The following GPC5 variants were observed in gnomAD, a reference collection of about 807,000 sequenced individuals.
GPC5 encodes glypican 5, also known as glypican-5.
GPC5 carries 47 observed loss-of-function variants against 53.9 expected under a neutral mutation model. The ratio of observed to expected loss-of-function variants is 0.87; its 90% confidence interval spans 0.69 to 1.11. The LOEUF (loss-of-function observed/expected upper bound fraction) is 1.11, where lower values mean the gene tolerates loss of function less well. Among genes scored for constraint, GPC5 ranks in the 50% most tolerant of loss-of-function variants. GPC5 has a pLI of 0.00. For missense variants in GPC5, 748 were observed against 713.1 expected, an observed-to-expected ratio of 1.05 and a Z score of -0.56; for synonymous variants, 286 against 263.3, an observed-to-expected ratio of 1.09 and a Z score of -0.84.
At chr13:91,573,832 C>T (rs2032034636) in intron 2 of GPC5, among the ~76,000 whole-genome samples, 1 of 152,058 alleles carries the variant, frequency 6.6e-6, no homozygotes, top group Non-Finnish European at 1.5e-5. Flanking sequence ...AGAGTAAGTG[C>T]TTCAACAAAA....
At chr13:91,459,156 A>C (rs1402997120) in intron 2 of GPC5, among the ~76,000 whole-genome samples, 1 of 151,908 alleles carries the variant, frequency 6.6e-6, no homozygotes, top group Non-Finnish European at 1.5e-5. Context: ...GTCACCGCTA[A>C]AGAACTTATC....
intron 5 of GPC5, among the ~76,000 whole-genome samples, chr13:91,787,331 G>T (rs2037895833): frequency 6.6e-6 from 1 of 152,038 alleles, no homozygotes; most frequent in Non-Finnish European, 1.5e-5. Context: ...CATATATATG[G>T]TCTCATATGA....
At chr13:92,169,915 C>T (rs7329409) in intron 7 of GPC5, among the ~76,000 whole-genome samples, 3,833 of 151,980 alleles carry the variant, frequency 0.025, 151 homozygotes, top group African/African-American at 0.087. Context: ...TAGAAAGTTT[C>T]CTTACAAACT....
At chr13:91,663,181 AT>A (rs1469254025) in intron 2 of GPC5, among the ~76,000 whole-genome samples, 1 of 152,134 alleles carries the variant, frequency 6.6e-6, no homozygotes, top group Non-Finnish European at 1.5e-5. Context: ...TCAATATTGG[AT>A]TTGCGGCCAC....
rs1021170668 is a variant in GPC5 at position 91,398,819 on chromosome 13, C to G, written c.-228C>G. On this transcript the variant is annotated 5_prime_UTR_variant, in exon 1 of 8. Transcript: ENST00000377067. Reference sequence around the variant, plus strand: ...CACTCTTCTCGGCTAGGGAAGAAGACCAGAGGGTGCTCAGCTGGAAAACTC... The same window carrying G: ...CACTCTTCTCGGCTAGGGAAGAAGAGCAGAGGGTGCTCAGCTGGAAAACTC... The G allele has an allele frequency of 1.2e-5, 6 of 490,786 alleles. No individual in the cohort carries two copies. The highest frequency in any genetic ancestry group is 2.1e-5 in the Non-Finnish European group (6 of 280,686). 30.4% of individuals were successfully genotyped at this position (490,786 alleles called of 1,614,324 possible).
chr13:92,812,912 A>T (rs892562021), intron 7 of GPC5, among the ~76,000 whole-genome samples: 4 of 151,902 alleles, frequency 2.6e-5, no homozygotes, highest in African/African-American at 9.7e-5. Context: ...AAGATTCATA[A>T]TCTCAGAACT....
At chr13:91,761,433 T>C (rs1445981633) in intron 5 of GPC5, among the ~76,000 whole-genome samples, 2 of 152,038 alleles carry the variant, frequency 1.3e-5, no homozygotes, top group Non-Finnish European at 2.9e-5. Flanking sequence ...TCCAACACTA[T>C]CTACCTGGAG....
chr13:92,830,176 A>G (rs1375851226), intron 7 of GPC5, among the ~76,000 whole-genome samples: 1 of 152,100 alleles, frequency 6.6e-6, no homozygotes, highest in South Asian at 2.1e-4. Flanking sequence ...CTATGTCATA[A>G]TTCCTATTTT....
chr13:92,595,328 C>T (rs1025521524), intron 7 of GPC5, among the ~76,000 whole-genome samples: 7 of 152,198 alleles, frequency 4.6e-5, no homozygotes, highest in Non-Finnish European at 1.0e-4. Context: ...TGATCATCTA[C>T]ATCATTCTCT....
At chr13:91,941,031 T>C (rs1362604156) in intron 6 of GPC5, among the ~76,000 whole-genome samples, 1 of 152,174 alleles carries the variant, frequency 6.6e-6, no homozygotes, top group Non-Finnish European at 1.5e-5. Context: ...TTTGTTGCAA[T>C]TGCTTTTGGC....
At chr13:92,744,150 A>AAAGT (rs1889181689) in intron 7 of GPC5, among the ~76,000 whole-genome samples, 1 of 152,124 alleles carries the variant, frequency 6.6e-6, no homozygotes, top group Admixed American at 6.6e-5. Context: ...AGAGGTTTCA[A>AAAGT]AAGTAAGTTC....
intron 7 of GPC5, among the ~76,000 whole-genome samples, chr13:92,428,799 C>A (rs555751770): frequency 6.6e-6 from 1 of 152,132 alleles, no homozygotes; most frequent in South Asian, 2.1e-4. Flanking sequence ...ACTAATCAAT[C>A]GTACTGATTC....
Position 92,591,428 on chromosome 13 carries a change from C to T in GPC5, c.1562-274854C>T, listed in dbSNP as rs192531534. Among the ~76,000 whole-genome samples, 148 of 152,302 alleles carry T rather than the reference C, an allele frequency of 9.7e-4. 2 individuals carry two copies. The highest frequency in any genetic ancestry group is 3.4e-3 in the African/African-American group (140 of 41,568). ...CTTTGTCACTTCTGGTTTGTGTTTA[C>T]AGTCTCTGCCTGGTGAAGTTTTACT... On this transcript the variant is annotated intron_variant, in intron 7 of 7. Transcript: ENST00000377067.
intron 2 of GPC5, among the ~76,000 whole-genome samples, chr13:91,592,999 G>A (rs1021775812): frequency 6.6e-6 from 1 of 152,188 alleles, no homozygotes; most frequent in Non-Finnish European, 1.5e-5. Flanking sequence ...GAGCTGTGCT[G>A]TTCACAAAGG....
chr13:91,761,344 C>T (rs979231388), intron 5 of GPC5, among the ~76,000 whole-genome samples: 4 of 152,130 alleles, frequency 2.6e-5, no homozygotes, highest in Admixed American at 6.5e-5. Context: ...CAACACGGAA[C>T]TTCTGTGACC....
intron 7 of GPC5, among the ~76,000 whole-genome samples, chr13:92,503,374 A>G (rs1880257899): frequency 6.6e-6 from 1 of 151,718 alleles, no homozygotes; most frequent in South Asian, 2.1e-4. Context: ...AGCAAATCAA[A>G]TTTGTGGGAT....
At chr13:91,781,639 C>T (rs1333130572) in intron 5 of GPC5, among the ~76,000 whole-genome samples, 1 of 152,166 alleles carries the variant, frequency 6.6e-6, no homozygotes, top group African/African-American at 2.4e-5. Context: ...TTCATTTTGT[C>T]CCTTTTACCA....
intron 7 of GPC5, among the ~76,000 whole-genome samples, chr13:92,539,729 T>G (rs369210242): frequency 1.1e-4 from 16 of 152,022 alleles, no homozygotes; most frequent in African/African-American, 3.4e-4. Flanking sequence ...TGCCCCAGTA[T>G]CTTGGTAATA....
chr13:91,643,735 A>G (rs1401590699), intron 2 of GPC5, among the ~76,000 whole-genome samples: 1 of 151,942 alleles, frequency 6.6e-6, no homozygotes, highest in Non-Finnish European at 1.5e-5. Flanking sequence ...CATCACCTCA[A>G]TTTCTGCCTT....
Sources: gnomAD v4.1 joint callset for allele counts (sites outside exome capture counted in the v4.1 genomes callset) on GRCh38, gnomAD v4.1.1 for gene constraint, MANE v1.5 for transcripts, NCBI Gene and HGNC (gene_info 2026-07-23, HGNC 2026-07-21) for gene names.